The following ESS2 variants were observed in gnomAD, a reference collection of about 807,000 sequenced individuals.
ESS2 encodes splicing factor ESS-2 homolog.
Under a neutral mutation model 52.0 loss-of-function variants are expected in ESS2, and 31 were observed. That is an observed-to-expected ratio of 0.60 (90% confidence interval 0.45 to 0.81). The LOEUF (loss-of-function observed/expected upper bound fraction) is 0.81. Among genes scored for constraint, ESS2 ranks in the 30% least tolerant of loss-of-function variants. ESS2 has a pLI of 0.00. For synonymous variants in ESS2, 285 were observed against 259.2 expected (o/e 1.10, Z -0.95); for missense variants, 602 against 637.2 (o/e 0.94, Z 0.59).
At chr22:19,141,091 G>C (rs1174598680) in intron 3 of ESS2, among the ~76,000 whole-genome samples, 3 of 150,888 alleles carry the variant, frequency 2.0e-5, no homozygotes, top group Non-Finnish European at 4.4e-5. Context: ...AAACCAGCCT[G>C]GGCAACATAA....
chr22:19,135,085 G>T lies in ESS2; in HGVS notation c.1126C>A (p.Arg376=), dbSNP rs369834780. 5.6e-6 allele frequency: 9 copies of T among 1,613,746 alleles called. No individual in the cohort carries two copies. Among genetic ancestry groups the T allele is most frequent in the Non-Finnish European group, 7.6e-6 (9 of 1,179,976 alleles). The part of the protein sequence containing the change: ...KNRAKKQEAL[R]RVTENLASLT... Reference sequence around the variant, plus strand: ...CTGGCCAGATTCTCCGTCACTCTCCGCAAGGCTTCCTGCTTCTTGGCCCGG... The same window carrying T: ...CTGGCCAGATTCTCCGTCACTCTCCTCAAGGCTTCCTGCTTCTTGGCCCGG... Residue 376 remains arginine (R), a synonymous_variant, in exon 9 of 10, where the codon CGG becomes AGG. Coordinates refer to ENST00000252137, the MANE Select transcript of ESS2 (RefSeq NM_022719.3).
In ESS2 at chr22:19,131,627, C is replaced by A. The variant is rs150544486; in HGVS notation, c.*2569G>T. On this transcript the variant is annotated 3_prime_UTR_variant, in exon 10 of 10. Transcript: ENST00000252137. This position sits in a 1 kb window ranked among gnomAD's most constrained non-coding sequence, Gnocchi z 5.7. ...ACCACGGCTCCATCATCAAGACTTACGAGATCTTTGAGACCTCTGACGGAC... is the reference window on the plus strand; with the variant it reads ...ACCACGGCTCCATCATCAAGACTTAAGAGATCTTTGAGACCTCTGACGGAC... 9.9e-6 allele frequency: 16 copies of A among 1,614,144 alleles called. No individual in the cohort carries two copies. The South Asian group carries it at 1.5e-4, about 16-fold the overall frequency.
At chr22:19,137,088 C>G (rs2083595472) in intron 8 of ESS2, among the ~76,000 whole-genome samples, 1 of 152,156 alleles carries the variant, frequency 6.6e-6, no homozygotes, top group Admixed American at 6.5e-5. Context: ...CTCCAGGATC[C>G]AGAGGGCCCA....
At chr22:19,140,267 T>C (rs1454728991) in intron 3 of ESS2, among the ~76,000 whole-genome samples, 2 of 152,208 alleles carry the variant, frequency 1.3e-5, no homozygotes, top group Non-Finnish European at 2.9e-5. Context: ...TCTGCTCATG[T>C]GCTGGATGCC....
intron 6 of ESS2, 124 bp downstream of exon 6, chr22:19,139,035 C>A: frequency 7.6e-7 from 1 of 1,322,066 alleles, no homozygotes; most frequent in South Asian, 1.5e-5. Flanking sequence ...TCCTGCCGCA[C>A]AGGGCCCCAG....
chr22:19,139,901 CG>C lies in ESS2; in HGVS notation c.523del (p.Arg175GlyfsTer86). ...CTGGTAGAGCCAAGCGTGGCGTGCCCGGCTTCTCTCCTTGGCCACCTCCATG... is the reference window on the plus strand; with the variant it reads ...CTGGTAGAGCCAAGCGTGGCGTGCCCGCTTCTCTCCTTGGCCACCTCCATG... ...EIMEVAKERS[R>X]ARHAWLYQAE... On this transcript the variant is annotated frameshift_variant, in exon 4 of 10. Transcript: ENST00000252137. LOFTEE classifies it high-confidence loss of function. 6.2e-7 allele frequency: 1 copy of C among 1,614,170 alleles called. No individual in the cohort carries two copies. Among genetic ancestry groups the C allele is most frequent in the Non-Finnish European group, 8.5e-7 (1 of 1,180,036 alleles).
At chr22:19,135,748 C>G (rs1183278076) in intron 8 of ESS2, among the ~76,000 whole-genome samples, 3 of 152,112 alleles carry the variant, frequency 2.0e-5, no homozygotes, top group African/African-American at 7.2e-5. Context: ...AGACTACAGG[C>G]TGGGAGTGGT....
At chr22:19,144,060 C>T in intron 1 of ESS2, 26 of 998,954 alleles carry the variant, frequency 2.6e-5, no homozygotes, top group Non-Finnish European at 3.1e-5. Context: ...AACTGACTTC[C>T]GCCAATCCCC....
chr22:19,132,262 AG>A lies in ESS2; in HGVS notation c.*1933del. ...ACGTCTTCTGCCTCCTTCAAGAGGG[AG>A]GGGGAGGGCAAGTACCGCGCTGAGT... On this transcript the variant is annotated 3_prime_UTR_variant, in exon 10 of 10. Transcript: ENST00000252137. The surrounding 1 kb of genome is among the most constrained non-coding windows in gnomAD (Gnocchi z 4.2). The A allele has an allele frequency of 3.7e-6, 6 of 1,612,136 alleles. No homozygotes were observed. The highest frequency in any genetic ancestry group is 5.1e-6 in the Non-Finnish European group (6 of 1,178,892).
rs1350151575 is a variant in ESS2, at chr22:19,132,060, A to C, written c.*2136T>G. On this transcript the variant is annotated 3_prime_UTR_variant, in exon 10 of 10. Transcript: ENST00000252137. This position sits in a 1 kb window ranked among gnomAD's most constrained non-coding sequence, Gnocchi z 4.2. ...CTCCATGCCCTATGACGACTCCGACATCAGGAAGATGCTGCGTATCCAGAA... is the reference window on the plus strand; with the variant it reads ...CTCCATGCCCTATGACGACTCCGACCTCAGGAAGATGCTGCGTATCCAGAA... The C allele has an allele frequency of 6.2e-7, 1 of 1,614,072 alleles. No homozygotes were observed. Among genetic ancestry groups the C allele is most frequent in the Admixed American group, 1.7e-5 (1 of 60,026 alleles).
rs1264089561 is a variant in ESS2, at chr22:19,130,279, T to C, written c.*3917A>G. On this transcript the variant is annotated 3_prime_UTR_variant, in exon 10 of 10. Transcript: ENST00000252137. ...GCCCAATAACGAGAAGCAGACAAACTAGGAAAGAAGGGAGTTTATCACTGT... is the reference window on the plus strand; with the variant it reads ...GCCCAATAACGAGAAGCAGACAAACCAGGAAAGAAGGGAGTTTATCACTGT... The C allele has an allele frequency of 6.3e-6, 1 of 157,984 alleles. No individual in the cohort carries two copies. The highest frequency in any genetic ancestry group is 1.4e-5 in the Non-Finnish European group (1 of 72,104). 9.8% of individuals were successfully genotyped at this position (157,984 alleles called of 1,614,324 possible). A position where few individuals can be genotyped will look rare whatever the true frequency, so the allele number is the denominator to read the frequency against.
chr22:19,140,177 G>A (rs1469280641), intron 3 of ESS2, 153 bp from the exon 4 acceptor site: 1 of 492,616 alleles, frequency 2.0e-6, no homozygotes, highest in Non-Finnish European at 2.6e-6. Flanking sequence ...CACTGCCAAG[G>A]ACTCCCCACG....
chr22:19,135,976 G>C (rs2083573881), intron 8 of ESS2, among the ~76,000 whole-genome samples: 1 of 143,124 alleles, frequency 7.0e-6, no homozygotes, highest in Non-Finnish European at 1.5e-5. Flanking sequence ...GTTACAATCA[G>C]CTATGATTGC....
In ESS2 at chr22:19,144,595, C is replaced by A. The variant is rs983454485; in HGVS notation, c.46G>T (p.Ala16Ser). The change falls in exon 1 of 10, where the codon GCG becomes TCG. Residue 16 changes from alanine to serine, a missense_variant. By Grantham distance (99) the Ala-to-Ser change is moderately conservative. Coordinates refer to ENST00000252137, the MANE Select transcript of ESS2 (RefSeq NM_022719.3). The stretch of plus-strand genomic sequence containing the variant: ...TCGCGCTTCCTCGGGGGCCTGGACG[C>A]GGCGGGAAGCAACAAGGACGACGCT... ...ASASSLLLPA[A>S]SRPPRKREAG... 6.3e-7 allele frequency: 1 copy of A among 1,596,778 alleles called. No homozygotes were observed. The highest frequency in any genetic ancestry group is 8.5e-7 in the Non-Finnish European group (1 of 1,170,820).
At chr22:19,142,097 G>A (rs1258135944) in intron 3 of ESS2, among the ~76,000 whole-genome samples, 2 of 152,230 alleles carry the variant, frequency 1.3e-5, no homozygotes, top group African/African-American at 2.4e-5. Context: ...ACTTCACACT[G>A]GCAGGTCAAG....
rs955387894 is a variant in ESS2 at position 19,133,714 on chromosome 22, A to C, written c.*482T>G. On this transcript the variant is annotated 3_prime_UTR_variant, in exon 10 of 10. Coordinates refer to ENST00000252137, the MANE Select transcript of ESS2 (RefSeq NM_022719.3). The stretch of plus-strand genomic sequence containing the variant: ...CCGTTTCTCCTTCATATCCCCCCAG[A>C]GAAGCAGAAAGCACTGCAGGATGTG... 6.5e-6 allele frequency: 1 copy of C among 154,552 alleles called. No homozygotes were observed. Among genetic ancestry groups the C allele is most frequent in the Admixed American group, 6.5e-5 (1 of 15,334 alleles). The allele number at this position is 154,552 out of a possible 1,614,324, so 9.6% of individuals were successfully genotyped here. A position where few individuals can be genotyped will look rare whatever the true frequency, so the allele number is the denominator to read the frequency against.
Position 19,135,135 on chromosome 22 carries a change from ATCT to A in ESS2, c.1073_1075del (p.Lys358del). ...GTTCTTGGCAGCGGCCTCGTTGGCC[ATCT>A]TCAGACCCAGCCGCTCCCTGCGGCC... On this transcript the variant is annotated inframe_deletion, in exon 9 of 10. Coordinates refer to ENST00000252137, the MANE Select transcript of ESS2 (RefSeq NM_022719.3). 1 of 1,614,028 alleles carries A rather than the reference ATCT, an allele frequency of 6.2e-7. No homozygotes were observed. The highest frequency in any genetic ancestry group is 1.1e-5 in the South Asian group (1 of 91,072).
rs1243621185 is a variant in ESS2, at chr22:19,139,878, G to A, written c.547C>T (p.Gln183Ter). 6.2e-7 allele frequency: 1 copy of A among 1,613,988 alleles called. No individual in the cohort carries two copies. The highest frequency in any genetic ancestry group is 2.2e-5 in the East Asian group (1 of 44,884). Reference sequence around the variant, plus strand: ...ACCTTCTCAAACTCTTCCTCAGCCTGGTAGAGCCAAGCGTGGCGTGCCCGG... The same window carrying A: ...ACCTTCTCAAACTCTTCCTCAGCCTAGTAGAGCCAAGCGTGGCGTGCCCGG... ...RSRARHAWLY[Q>*]AEEEFEKRQK... Residue 183 changes from glutamine to a stop codon, truncating the protein, a stop_gained, in exon 4 of 10, where the codon CAG becomes TAG. Coordinates refer to ENST00000252137, the MANE Select transcript of ESS2 (RefSeq NM_022719.3). LOFTEE classifies it high-confidence loss of function.
chr22:19,132,016 T>C lies in ESS2; in HGVS notation c.*2180A>G, dbSNP rs775602028. On this transcript the variant is annotated 3_prime_UTR_variant, in exon 10 of 10. Transcript: ENST00000252137. The surrounding 1 kb of genome is among the most constrained non-coding windows in gnomAD (Gnocchi z 4.2). ...GACATCTGGAGCCTGGGCGTGATCC[T>C]GTACATCATGGTCTGCGGCTCCATG... The C allele has an allele frequency of 1.9e-5, 31 of 1,613,958 alleles. No homozygotes were observed. The highest frequency in any genetic ancestry group is 2.6e-5 in the Non-Finnish European group (31 of 1,179,970).
Sources: gnomAD v4.1 joint callset for allele counts (sites outside exome capture counted in the v4.1 genomes callset) on GRCh38, gnomAD v4.1.1 for gene constraint, Gnocchi (gnomAD v3.1) non-coding constraint, MANE v1.5 for transcripts, NCBI Gene and HGNC (gene_info 2026-07-23, HGNC 2026-07-21) for gene names.